Variants in ATXN8OS observed in about 807,000 individuals in gnomAD.
ATXN8OS encodes the protein ATXN8 opposite strand (non-protein coding).
intron 4 of ATXN8OS, among the ~76,000 whole-genome samples, chr13:70,151,192 A>T (rs1463953747): frequency 6.6e-6 from 1 of 152,082 alleles, no homozygotes; most frequent in Admixed American, 6.6e-5. Context: ...TTTTCAGTGC[A>T]CAATACAGTA....
rs117932349 is a variant in ATXN8OS, at chr13:70,122,367, G to T, written n.398+7069G>T. Reference sequence around the variant, plus strand: ...GTTTTCTAACACTAAAGCATTAGTAGTCCATTTTGTCTTACGATTTAACTT... The same window carrying T: ...GTTTTCTAACACTAAAGCATTAGTATTCCATTTTGTCTTACGATTTAACTT... On this transcript the variant is annotated intron_variant and non_coding_transcript_variant, in intron 2 of 4. Coordinates refer to ENST00000678624, the Ensembl canonical transcript of ATXN8OS. Among the ~76,000 whole-genome samples the T allele has an allele frequency of 9.1e-3, 1,382 of 151,950 alleles. 4 individuals carry two copies. Among genetic ancestry groups the T allele is most frequent in the African/African-American group, 0.019 (774 of 41,472 alleles).
intron 2 of ATXN8OS, among the ~76,000 whole-genome samples, chr13:70,124,132 C>T (rs573735837): frequency 9.8e-4 from 149 of 151,946 alleles, no homozygotes; most frequent in African/African-American, 3.2e-3. Context: ...ACATACAGTC[C>T]TGTATTATTT....
At chr13:70,159,149 T>A (rs1566618005) in intron 4 of ATXN8OS, among the ~76,000 whole-genome samples, 1 of 149,852 alleles carries the variant, frequency 6.7e-6, no homozygotes, top group Non-Finnish European at 1.5e-5. Flanking sequence ...CTAATTAATT[T>A]ATTTTCTCTC....
chr13:70,139,401 G>A lies in ATXN8OS; in HGVS notation n.500-7954G>A, dbSNP rs1056268267. 330 of 636,068 alleles carry A rather than the reference G, an allele frequency of 5.2e-4. 1 individual carries two copies. The highest frequency in any genetic ancestry group is 4.3e-3 in the African/African-American group (203 of 46,808). 39.4% of individuals were successfully genotyped at this position (636,068 alleles called of 1,614,324 possible). On this transcript the variant is annotated intron_variant and non_coding_transcript_variant, in intron 3 of 4. Transcript: ENST00000678624. ...TACTACTACTGCTGCTGCTGCTGCT[G>A]CTGCTGCTGCTGCTGCTGCTGCTGC...
At chr13:70,142,596 G>A (rs1457737812) in intron 3 of ATXN8OS, among the ~76,000 whole-genome samples, 1 of 152,162 alleles carries the variant, frequency 6.6e-6, no homozygotes, top group Non-Finnish European at 1.5e-5. Flanking sequence ...ACTGCACCAT[G>A]GAAATAGTAA....
At chr13:70,128,210 A>G (rs1453790129) in intron 2 of ATXN8OS, among the ~76,000 whole-genome samples, 1 of 152,178 alleles carries the variant, frequency 6.6e-6, no homozygotes, top group African/African-American at 2.4e-5. Flanking sequence ...TACATTACAG[A>G]CATCCACTAA....
At chr13:70,162,847 A>AT (rs962328502) in intron 4 of ATXN8OS, among the ~76,000 whole-genome samples, 41 of 152,126 alleles carry the variant, frequency 2.7e-4, no homozygotes, top group African/African-American at 8.2e-4. Flanking sequence ...AATTACACTA[A>AT]TTTTTTAGAT....
At chr13:70,140,533 C>CAAAAA (rs58996989) in intron 3 of ATXN8OS, among the ~76,000 whole-genome samples, 6,863 of 132,546 alleles carry the variant, frequency 0.052, 229 homozygotes, top group Non-Finnish European at 0.072. Flanking sequence ...CACACACACA[C>CAAAAA]AAAAAAAAAA....
At chr13:70,108,198 G>T in intron 1 of ATXN8OS, 3 of 396,526 alleles carry the variant, frequency 7.6e-6, no homozygotes, top group Non-Finnish European at 1.3e-5. Context: ...AGAGCGCAGA[G>T]AGAAAGAGCC....
chr13:70,121,513 A>G (rs369659988), intron 2 of ATXN8OS, among the ~76,000 whole-genome samples: 1 of 152,144 alleles, frequency 6.6e-6, no homozygotes, highest in South Asian at 2.1e-4. Context: ...GAAATGAATC[A>G]TCCGGAAATA....
chr13:70,141,320 C>T (rs1054481627), intron 3 of ATXN8OS, among the ~76,000 whole-genome samples: 8 of 152,184 alleles, frequency 5.3e-5, no homozygotes, highest in African/African-American at 1.9e-4. Context: ...CACCTCCTTA[C>T]ATATTGCACA....
chr13:70,121,956 T>G (rs554992651), intron 2 of ATXN8OS, among the ~76,000 whole-genome samples: 5 of 152,166 alleles, frequency 3.3e-5, no homozygotes, highest in Admixed American at 2.6e-4. Context: ...GCAGTGGCAG[T>G]TATTAATATT....
At chr13:70,164,055 C>CTTATTCTTATTA (rs373093033) in intron 4 of ATXN8OS, among the ~76,000 whole-genome samples, 1 of 29,090 alleles carries the variant, frequency 3.4e-5, no homozygotes, top group Non-Finnish European at 9.1e-5. Context: ...AGTTTTTATT[C>CTTATTCTTATTA]TTATTATTAT....
chr13:70,122,889 T>G (rs1447303689), intron 2 of ATXN8OS, among the ~76,000 whole-genome samples: 1 of 152,054 alleles, frequency 6.6e-6, no homozygotes, highest in Middle Eastern at 3.2e-3. Context: ...GACCTGGATT[T>G]TAATTCCAGC....
At chr13:70,111,440 A>G (rs1251244849) in intron 1 of ATXN8OS, among the ~76,000 whole-genome samples, 1 of 152,168 alleles carries the variant, frequency 6.6e-6, no homozygotes, top group Non-Finnish European at 1.5e-5. Context: ...CACAGGCATC[A>G]TATGGCAATG....
intron 3 of ATXN8OS, chr13:70,130,548 T>C: frequency 2.5e-6 from 1 of 396,156 alleles, no homozygotes; most frequent in Admixed American, 4.4e-5. Flanking sequence ...AGGGGAAGTA[T>C]TTTAAAACAA....
At chr13:70,116,839 G>A (rs1182927888) in intron 2 of ATXN8OS, among the ~76,000 whole-genome samples, 1 of 152,044 alleles carries the variant, frequency 6.6e-6, no homozygotes, top group Non-Finnish European at 1.5e-5. Context: ...GGCATTCATA[G>A]GGAATCGATT....
intron 3 of ATXN8OS, among the ~76,000 whole-genome samples, chr13:70,137,460 G>C (rs888402428): frequency 6.6e-6 from 1 of 152,038 alleles, no homozygotes; most frequent in African/African-American, 2.4e-5. Flanking sequence ...CATTCATATG[G>C]GTCCTTCTAG....
chr13:70,144,975 G>C (rs1005046034), intron 3 of ATXN8OS, among the ~76,000 whole-genome samples: 1 of 152,044 alleles, frequency 6.6e-6, no homozygotes, highest in African/African-American at 2.4e-5. Context: ...TGCCTAAAAA[G>C]TGTTGTAGGT....
Sources: allele counts gnomAD v4.1 joint callset (sites outside exome capture counted in the v4.1 genomes callset), GRCh38; gene constraint gnomAD v4.1.1; transcripts MANE v1.5; gene names NCBI Gene and HGNC (gene_info 2026-07-23, HGNC 2026-07-21).